GRIK4: variants seen among roughly 807,000 people sequenced by gnomAD.
The protein encoded by GRIK4 is glutamate ionotropic receptor kainate type subunit 4, also known as glutamate receptor ionotropic, kainate 4.
Under a neutral mutation model 104.9 loss-of-function variants are expected in GRIK4, and 40 were observed. That is an observed-to-expected ratio of 0.38 (90% CI 0.30 to 0.50). The LOEUF (loss-of-function observed/expected upper bound fraction) is 0.50. Ranked by LOEUF, GRIK4 falls within the 20% of genes least tolerant of loss-of-function variation. GRIK4 has a pLI of 0.93. For missense variants in GRIK4, 1,047 were observed against 1,308.1 expected, an observed-to-expected ratio of 0.80 and a Z score of 3.08; for synonymous variants, 485 against 524.9, an observed-to-expected ratio of 0.92 and a Z score of 1.04.
intron 11 of GRIK4, among the ~76,000 whole-genome samples, chr11:120,886,499 C>T (rs921670481): frequency 3.3e-5 from 5 of 152,258 alleles, no homozygotes; most frequent in South Asian, 4.1e-4. Flanking sequence ...ATATATTAAG[C>T]GAGGTGCCTG....
At position 120,710,682 on chromosome 11, in the gene GRIK4, CA is replaced by C. The variant is rs1022618146; in HGVS notation, c.82+50283del. 3.2e-4 allele frequency among the ~76,000 whole-genome samples: 48 copies of C among 152,320 alleles called. 1 individual carries two copies. Among genetic ancestry groups the C allele is most frequent in the African/African-American group, 1.1e-3 (44 of 41,578 alleles). ...TCCAGGGAAGAAAGCAGACCTCCTC[CA>C]GATTCTGTGCCCAGAGGGCCTGGGG... On this transcript the variant is annotated intron_variant, in intron 3 of 20. Coordinates refer to ENST00000527524, the MANE Select transcript of GRIK4 (RefSeq NM_014619.5).
chr11:120,987,589 G>A lies in GRIK4; in HGVS notation c.*1329G>A, dbSNP rs1944778282. The A allele has an allele frequency of 6.6e-6, 1 of 152,236 alleles. No homozygotes were observed. Among genetic ancestry groups the A allele is most frequent in the South Asian group, 2.1e-4 (1 of 4,832 alleles). 9.4% of individuals were successfully genotyped at this position (152,236 alleles called of 1,614,324 possible). A position where few individuals can be genotyped will look rare whatever the true frequency, so the allele number is the denominator to read the frequency against. On this transcript the variant is annotated 3_prime_UTR_variant, in exon 21 of 21. Coordinates refer to ENST00000527524, the MANE Select transcript of GRIK4 (RefSeq NM_014619.5). Reference sequence around the variant, plus strand: ...GGGCCTGGGAACCAGGAACTCTTGAGTCGTAACCTCAGCTTGAGCAGTAGC... The same window carrying A: ...GGGCCTGGGAACCAGGAACTCTTGAATCGTAACCTCAGCTTGAGCAGTAGC...
chr11:120,986,599 T>G lies in GRIK4; in HGVS notation c.*339T>G. 1 of 216,348 alleles carries G rather than the reference T, an allele frequency of 4.6e-6. No individual in the cohort carries two copies. The highest frequency in any genetic ancestry group is 9.0e-6 in the Non-Finnish European group (1 of 111,556). 13.4% of individuals were successfully genotyped at this position (216,348 alleles called of 1,614,324 possible). A position where few individuals can be genotyped will look rare whatever the true frequency, so the allele number is the denominator to read the frequency against. On this transcript the variant is annotated 3_prime_UTR_variant, in exon 21 of 21. Transcript: ENST00000527524. The stretch of plus-strand genomic sequence containing the variant: ...CCCTACCCAGACCAGTCCAATGAAT[T>G]GGTGGAATCATCAGTTGAATTTCCC...
At chr11:120,932,820 G>A (rs1943509969) in intron 13 of GRIK4, among the ~76,000 whole-genome samples, 1 of 152,018 alleles carries the variant, frequency 6.6e-6, no homozygotes, top group Non-Finnish European at 1.5e-5. Flanking sequence ...AAAGCTGCTG[G>A]CATGTAGAGG....
chr11:120,613,353 C>T (rs1444240010), intron 1 of GRIK4, among the ~76,000 whole-genome samples: 1 of 152,214 alleles, frequency 6.6e-6, no homozygotes, highest in Non-Finnish European at 1.5e-5. Context: ...TTGTCCTGTG[C>T]TTTCTATACC....
chr11:120,879,318 G>C (rs1954900511), intron 11 of GRIK4, among the ~76,000 whole-genome samples: 1 of 152,194 alleles, frequency 6.6e-6, no homozygotes. Context: ...ATGACCAGCT[G>C]GGCTGGGCGT....
chr11:120,590,493 G>C (rs766874547), intron 1 of GRIK4, among the ~76,000 whole-genome samples: 1 of 152,230 alleles, frequency 6.6e-6, no homozygotes, highest in Non-Finnish European at 1.5e-5. Flanking sequence ...CTGACATCCA[G>C]GTGCACCCGG....
Position 120,893,010 on chromosome 11 carries a change from G to C in GRIK4, c.1165-5522G>C, listed in dbSNP as rs138612794. On this transcript the variant is annotated intron_variant, in intron 11 of 20. Transcript: ENST00000527524. ...AGCAGACAAATTAACGTATAAAAGC[G>C]CAGAACTGCAGGCAGTGGCCCTCCA... Among the ~76,000 whole-genome samples, 368 of 152,310 alleles carry C rather than the reference G, an allele frequency of 2.4e-3. 2 individuals are homozygous for C. The highest frequency in any genetic ancestry group is 8.3e-3 in the African/African-American group (344 of 41,552).
At chr11:120,564,967 C>A (rs910853892) in intron 1 of GRIK4, among the ~76,000 whole-genome samples, 1 of 132,820 alleles carries the variant, frequency 7.5e-6, no homozygotes, top group African/African-American at 3.0e-5. Context: ...CGATCGGCTC[C>A]GCCGGCTGCG....
At chr11:120,899,294 G>A (rs943780915) in intron 12 of GRIK4, among the ~76,000 whole-genome samples, 5 of 151,862 alleles carry the variant, frequency 3.3e-5, no homozygotes, top group East Asian at 1.9e-4. Context: ...GGTGGCACAC[G>A]CCTGAAATTC....
intron 12 of GRIK4, among the ~76,000 whole-genome samples, chr11:120,901,881 A>T (rs1455281845): frequency 6.6e-6 from 1 of 152,184 alleles, no homozygotes; most frequent in Admixed American, 6.5e-5. Context: ...GCACGTGCTC[A>T]TGAGGGGTGG....
chr11:120,799,516 G>C (rs1272589378), intron 3 of GRIK4, among the ~76,000 whole-genome samples: 1 of 152,264 alleles, frequency 6.6e-6, no homozygotes, highest in Admixed American at 6.5e-5. Flanking sequence ...AGGAAGACAA[G>C]CTTGGTCAGG....
At chr11:120,531,397 A>G (rs1244916183) in intron 1 of GRIK4, among the ~76,000 whole-genome samples, 1 of 152,132 alleles carries the variant, frequency 6.6e-6, no homozygotes, top group Non-Finnish European at 1.5e-5. Context: ...CGCTGCCCAA[A>G]TAATCATTTA....
chr11:120,941,544 G>C (rs1012390006), intron 14 of GRIK4, among the ~76,000 whole-genome samples: 6 of 152,150 alleles, frequency 3.9e-5, no homozygotes, highest in Admixed American at 3.9e-4. Context: ...CTGTGAATGT[G>C]ACCTCATTTG....
intron 1 of GRIK4, among the ~76,000 whole-genome samples, chr11:120,515,807 T>G (rs1025546081): frequency 1.3e-5 from 2 of 152,212 alleles, no homozygotes; most frequent in Non-Finnish European, 2.9e-5. Context: ...AACAAAAAAC[T>G]TATGCCACAG....
Position 120,822,857 on chromosome 11 carries a change from G to A in GRIK4, c.511+2937G>A, listed in dbSNP as rs190256663. On this transcript the variant is annotated intron_variant, in intron 6 of 20. Transcript: ENST00000527524. ...TGTCCTGTGGCCAAAACATGTATTT[G>A]CTTCATTTTCTTTCAAATAAGTTTG... 1.4e-4 allele frequency among the ~76,000 whole-genome samples: 21 copies of A among 152,282 alleles called. No homozygotes were observed. The East Asian group carries it at 4.1e-3, about 29-fold the overall frequency.
intron 20 of GRIK4, among the ~76,000 whole-genome samples, chr11:120,983,048 T>G (rs1407864165): frequency 6.6e-6 from 1 of 151,982 alleles, no homozygotes; most frequent in Non-Finnish European, 1.5e-5. Flanking sequence ...AAATCAGGAG[T>G]GGCTAGCCCT....
chr11:120,583,428 C>G (rs1948614555), intron 1 of GRIK4, among the ~76,000 whole-genome samples: 1 of 152,148 alleles, frequency 6.6e-6, no homozygotes, highest in Non-Finnish European at 1.5e-5. Context: ...TTTGCCAATG[C>G]CTATGTCCAG....
At chr11:120,948,952 C>T (rs1943932239) in intron 14 of GRIK4, among the ~76,000 whole-genome samples, 1 of 152,166 alleles carries the variant, frequency 6.6e-6, no homozygotes, top group African/African-American at 2.4e-5. Flanking sequence ...GATTGCATGT[C>T]TTGTAAATGG....
Sources: allele counts gnomAD v4.1 joint callset (sites outside exome capture counted in the v4.1 genomes callset), GRCh38; gene constraint gnomAD v4.1.1; transcripts MANE v1.5; gene names NCBI Gene and HGNC (gene_info 2026-07-23, HGNC 2026-07-21).